HSD17B12: variants seen among roughly 807,000 people sequenced by gnomAD.
HSD17B12 encodes hydroxysteroid 17-beta dehydrogenase 12, also known as very-long-chain 3-oxoacyl-CoA reductase.
In HSD17B12, 32 loss-of-function variants were observed where a neutral mutation model predicts 39.3. The ratio of observed to expected loss-of-function variants is 0.81; its 90% confidence interval spans 0.61 to 1.09. The LOEUF (loss-of-function observed/expected upper bound fraction) is 1.09. Among genes scored for constraint, HSD17B12 ranks in the 50% least tolerant of loss-of-function variants. The pLI is 0.00. For missense variants in HSD17B12, 342 were observed against 382.9 expected (o/e 0.89, Z 0.89); for synonymous variants, 150 against 146.7 (o/e 1.02, Z -0.16).
Position 43,735,881 on chromosome 11 carries a change from C to T in HSD17B12, c.161-15030C>T, listed in dbSNP as rs1444487722. 3.3e-5 allele frequency among the ~76,000 whole-genome samples: 5 copies of T among 152,138 alleles called. No individual in the cohort carries two copies. The East Asian group carries it at 7.7e-4, about 24-fold the overall frequency. ...TTACCTGGTGGCAGGAGAGAGAGAT[C>T]GAGGGGGAACTGCCACACGCTTTTA... On this transcript the variant is annotated intron_variant, in intron 1 of 10. Coordinates refer to ENST00000278353, the MANE Select transcript of HSD17B12 (RefSeq NM_016142.3).
At chr11:43,675,696 T>G (rs1949689130), upstream of HSD17B12, among the ~76,000 whole-genome samples, 1 of 152,114 alleles carries the variant, frequency 6.6e-6, no homozygotes, top group Non-Finnish European at 1.5e-5. Context: ...TATTGCCATA[T>G]TCCAGGCTAA....
chr11:43,791,121 C>T (rs1374849434), intron 3 of HSD17B12, among the ~76,000 whole-genome samples: 1 of 152,214 alleles, frequency 6.6e-6, no homozygotes, highest in Non-Finnish European at 1.5e-5. Flanking sequence ...GGCCAGCAAC[C>T]AGTTGAGTTG....
intron 3 of HSD17B12, among the ~76,000 whole-genome samples, chr11:43,797,874 T>C (rs936393589): frequency 2.0e-5 from 3 of 152,212 alleles, no homozygotes; most frequent in African/African-American, 7.2e-5. Context: ...TAAGATAGAC[T>C]TTTTGTTTTA....
At chr11:43,713,669 A>G (rs908908781) in intron 1 of HSD17B12, among the ~76,000 whole-genome samples, 6 of 152,110 alleles carry the variant, frequency 3.9e-5, no homozygotes, top group Non-Finnish European at 7.3e-5. Context: ...GTCAAATGGT[A>G]TTTCTAGTTC....
At position 43,839,732 on chromosome 11, in the gene HSD17B12, G is replaced by T. The variant is rs1469088876; in HGVS notation, c.619-267G>T. 3.3e-5 allele frequency among the ~76,000 whole-genome samples: 5 copies of T among 152,036 alleles called. No homozygotes were observed. The East Asian group carries it at 5.8e-4, about 18-fold the overall frequency. On this transcript the variant is annotated intron_variant, in intron 8 of 10. Coordinates refer to ENST00000278353, the MANE Select transcript of HSD17B12 (RefSeq NM_016142.3). ...TTCTTGGAAAGTAATTTTCTGAGGGGAGAAAAAGATAAGAAAAGCCTTTTC... is the reference window on the plus strand; with the variant it reads ...TTCTTGGAAAGTAATTTTCTGAGGGTAGAAAAAGATAAGAAAAGCCTTTTC...
At chr11:43,702,865 G>A (rs576279890) in intron 1 of HSD17B12, among the ~76,000 whole-genome samples, 4 of 152,134 alleles carry the variant, frequency 2.6e-5, no homozygotes, top group African/African-American at 9.6e-5. Flanking sequence ...TGTATTTTAT[G>A]TGTGGCCCAA....
At chr11:43,757,260 C>G (rs1374593157) in intron 3 of HSD17B12, among the ~76,000 whole-genome samples, 1 of 152,132 alleles carries the variant, frequency 6.6e-6, no homozygotes, top group East Asian at 1.9e-4. Flanking sequence ...AGGTACTGTG[C>G]TAGGCAGTGA....
chr11:43,785,723 T>C (rs61883811), intron 3 of HSD17B12, among the ~76,000 whole-genome samples: 7,930 of 152,292 alleles, frequency 0.052, 228 homozygotes, highest in African/African-American at 0.06. Flanking sequence ...TAAAAGTTAG[T>C]TGCAATATGG....
chr11:43,697,601 T>C (rs1052696117), intron 1 of HSD17B12, among the ~76,000 whole-genome samples: 2 of 152,178 alleles, frequency 1.3e-5, no homozygotes, highest in Admixed American at 1.3e-4. Context: ...CTGAAGTCTG[T>C]CTCCTCAATT....
At chr11:43,778,215 A>G (rs1182091257) in intron 3 of HSD17B12, among the ~76,000 whole-genome samples, 2 of 152,226 alleles carry the variant, frequency 1.3e-5, no homozygotes, top group Non-Finnish European at 2.9e-5. Flanking sequence ...ACCTCTATGC[A>G]AATAAACTAG....
chr11:43,724,766 T>A (rs1374585645), intron 1 of HSD17B12, among the ~76,000 whole-genome samples: 1 of 152,158 alleles, frequency 6.6e-6, no homozygotes, highest in Non-Finnish European at 1.5e-5. Flanking sequence ...ACTATGAATT[T>A]TGGGGGAACA....
intron 3 of HSD17B12, among the ~76,000 whole-genome samples, chr11:43,757,656 A>AAAAC (rs1950520981): frequency 4.9e-5 from 7 of 142,504 alleles, no homozygotes; most frequent in African/African-American, 1.8e-4. Context: ...AAAAAAAAAA[A>AAAAC]AAAAAAAAAA....
rs186928522 is a variant in HSD17B12 at position 43,706,581 on chromosome 11, C to T, written c.160+25594C>T. Among the ~76,000 whole-genome samples, 335 of 152,172 alleles carry T rather than the reference C, an allele frequency of 2.2e-3. 1 individual carries two copies. The highest frequency in any genetic ancestry group is 1.9e-3 in the Non-Finnish European group (131 of 68,008). On this transcript the variant is annotated intron_variant, in intron 1 of 10. Coordinates refer to ENST00000278353, the MANE Select transcript of HSD17B12 (RefSeq NM_016142.3). Reference sequence around the variant, plus strand: ...GACCTCAGTCTGTGAAGACTTTGGTCATACACTATTGCTTGGGGTTTAAGG... The same window carrying T: ...GACCTCAGTCTGTGAAGACTTTGGTTATACACTATTGCTTGGGGTTTAAGG...
chr11:43,768,538 A>T (rs1158951887), intron 3 of HSD17B12, among the ~76,000 whole-genome samples: 1 of 152,054 alleles, frequency 6.6e-6, no homozygotes, highest in African/African-American at 2.4e-5. Flanking sequence ...TGAGTGTTAT[A>T]TAGCGCTTAA....
chr11:43,646,287 A>G, the HSD17B12 span: 1 of 152,250 alleles, frequency 6.6e-6, no homozygotes, highest in African/African-American at 2.4e-5. Context: ...ATCTCAGGAA[A>G]GTATTTCCTT....
At position 43,784,726 on chromosome 11, in the gene HSD17B12, G is replaced by T. The variant is rs560170652; in HGVS notation, c.284-13594G>T. On this transcript the variant is annotated intron_variant, in intron 3 of 10. Coordinates refer to ENST00000278353, the MANE Select transcript of HSD17B12 (RefSeq NM_016142.3). ...TACTAGCAGTATACTTACAATGAGG[G>T]TTTTAAATCTTCTTATAGCTGGAAA... is the stretch of plus-strand genomic sequence containing the variant. Among the ~76,000 whole-genome samples the T allele has an allele frequency of 1.5e-4, 23 of 152,274 alleles. No homozygotes were observed. The South Asian group carries it at 4.6e-3, about 30-fold the overall frequency.
intron 6 of HSD17B12, among the ~76,000 whole-genome samples, chr11:43,821,280 A>G (rs1028766506): frequency 6.6e-6 from 1 of 152,026 alleles, no homozygotes; most frequent in African/African-American, 2.4e-5. Flanking sequence ...CTGCTTTTCC[A>G]GTTTTACTCT....
chr11:43,647,442 ATTTTT>A, the HSD17B12 span, among the ~76,000 whole-genome samples: 1 of 123,286 alleles, frequency 8.1e-6, no homozygotes, highest in African/African-American at 3.1e-5. Flanking sequence ...CACCTTGCTA[ATTTTT>A]TTTTTTTTTT....
the HSD17B12 span, among the ~76,000 whole-genome samples, chr11:43,632,363 A>C: frequency 2.6e-5 from 4 of 152,246 alleles, no homozygotes; most frequent in South Asian, 8.3e-4. Context: ...AGCTCCTGAC[A>C]TCCTGTTTCC....
Sources: gnomAD v4.1 joint callset for allele counts (sites outside exome capture counted in the v4.1 genomes callset) on GRCh38, gnomAD v4.1.1 for gene constraint, MANE v1.5 for transcripts, NCBI Gene and HGNC (gene_info 2026-07-23, HGNC 2026-07-21) for gene names.